The following ZNF462 variants were observed in gnomAD, a reference collection of about 807,000 sequenced individuals.
The protein encoded by ZNF462 is zinc finger PBX1-interacting protein.
ZNF462 carries 10 observed loss-of-function variants against 201.9 expected under a neutral mutation model. That is an observed-to-expected ratio of 0.05 (90% CI 0.03 to 0.08). The LOEUF (loss-of-function observed/expected upper bound fraction) is 0.08, where lower values mean the gene tolerates loss of function less well. Ranked by LOEUF, ZNF462 falls within the 10% of genes least tolerant of loss-of-function variation. The probability of loss-of-function intolerance (pLI) is 1.00; values close to 1 mark genes in which losing one functional copy is unlikely to be tolerated. For missense variants in ZNF462, 2,523 were observed against 3,168.3 expected (o/e 0.80, Z 4.89); for synonymous variants, 1,227 against 1,193.3 (o/e 1.03, Z -0.58).
In ZNF462 at chr9:106,928,894, G is replaced by A. The variant is rs1349544073; in HGVS notation, c.4982G>A (p.Arg1661Gln). ...CACCTGGTCTCCCACACTGTGTTCC[G>A]GTGCCAGCTCTGCAAGTACTTCTGC... ...TSHLVSHTVF[R>Q]CQLCKYFCST... The change falls in exon 3 of 13, where the codon CGG becomes CAG. Residue 1661 changes from arginine to glutamine, a missense_variant. By Grantham distance (43) the Arg-to-Gln change is conservative. Coordinates refer to ENST00000277225, the MANE Select transcript of ZNF462 (RefSeq NM_021224.6). This position sits in a 1 kb window ranked among gnomAD's most constrained non-coding sequence, Gnocchi z 9.3. 5.0e-6 allele frequency: 8 copies of A among 1,613,796 alleles called. No homozygotes were observed. Among genetic ancestry groups the A allele is most frequent in the Non-Finnish European group, 5.9e-6 (7 of 1,180,016 alleles).
At chr9:106,896,052 T>G (rs907064) in intron 1 of ZNF462, among the ~76,000 whole-genome samples, 69,067 of 152,014 alleles carry the variant, frequency 0.45, 18,168 homozygotes, top group African/African-American at 0.74. Context: ...CTCCATCTCT[T>G]TACTTGGAAA....
rs751451466 is a variant in ZNF462, at chr9:106,928,514, C to T, written c.4602C>T (p.Tyr1534=). The change falls in exon 3 of 13, where the codon TAC becomes TAT. Residue 1534 remains tyrosine, a synonymous_variant. Transcript: ENST00000277225. The surrounding 1 kb of genome is among the most constrained non-coding windows in gnomAD (Gnocchi z 9.3). ...GCATCCACGGCGTACTGACCCACTA[C>T]CAGAAGCGACACCCGTCCATCAAGG... ...NTRIHGVLTH[Y]QKRHPSIKVT... is the part of the protein sequence containing the mutation. The T allele has an allele frequency of 1.9e-5, 31 of 1,614,140 alleles. No individual in the cohort carries two copies. Among genetic ancestry groups the T allele is most frequent in the Non-Finnish European group, 2.5e-5 (30 of 1,180,024 alleles).
At chr9:106,891,419 A>G (rs1330549292) in intron 1 of ZNF462, among the ~76,000 whole-genome samples, 5 of 152,168 alleles carry the variant, frequency 3.3e-5, no homozygotes, top group Non-Finnish European at 7.3e-5. Flanking sequence ...GCGGAGACAT[A>G]CAATAGGCTG....
Position 106,923,733 on chromosome 9 carries a change from G to C in ZNF462, c.220+130G>C. 1.1e-6 allele frequency: 1 copy of C among 900,924 alleles called. No homozygotes were observed. Among genetic ancestry groups the C allele is most frequent in the Non-Finnish European group, 1.7e-6 (1 of 596,234 alleles). The allele number at this position is 900,924 out of a possible 1,614,324, so 55.8% of individuals were successfully genotyped here. ...TTGTGCTTTGCTAGCCATTTTTGTG[G>C]TTTGGGCATCATGTATCTCTCCTTG... is the stretch of plus-strand genomic sequence containing the variant. On this transcript the variant is annotated intron_variant, in intron 2 of 12. Transcript: ENST00000277225. The surrounding 1 kb of genome is among the most constrained non-coding windows in gnomAD (Gnocchi z 5.6).
At chr9:106,863,066 G>A, upstream of ZNF462, 1 of 392,800 alleles carries the variant, frequency 2.5e-6, no homozygotes, top group Non-Finnish European at 4.5e-6. Context: ...GGAGAGAGAA[G>A]AGGAGAGAGA....
In ZNF462 at chr9:107,011,024, A is replaced by G; in HGVS notation, c.7515A>G (p.Lys2505=). 2 of 1,613,112 alleles carry G rather than the reference A, an allele frequency of 1.2e-6. No homozygotes were observed. The highest frequency in any genetic ancestry group is 1.7e-6 in the Non-Finnish European group (2 of 1,179,796). The part of the protein sequence containing the change: ...KSLLENAEAK[K]E Reference sequence around the variant, plus strand: ...TCCTGGAGAATGCAGAGGCCAAAAAAGAATGAGCGTTTGGTGAAATTCTTA... The same window carrying G: ...TCCTGGAGAATGCAGAGGCCAAAAAGGAATGAGCGTTTGGTGAAATTCTTA... The change falls in exon 13 of 13, where the codon AAA becomes AAG. Residue 2505 remains lysine, a synonymous_variant. Transcript: ENST00000277225. This position sits in a 1 kb window ranked among gnomAD's most constrained non-coding sequence, Gnocchi z 5.6.
chr9:106,948,982 C>G (rs1339623206), intron 7 of ZNF462, among the ~76,000 whole-genome samples: 1 of 152,070 alleles, frequency 6.6e-6, no homozygotes, highest in Non-Finnish European at 1.5e-5. Flanking sequence ...AAAAATTACT[C>G]AAGTAGAGTC....
rs1433133004 is a variant in ZNF462, at chr9:106,923,153, T to C, written c.-30-201T>C. On this transcript the variant is annotated intron_variant, in intron 1 of 12. Transcript: ENST00000277225. The surrounding 1 kb of genome is among the most constrained non-coding windows in gnomAD (Gnocchi z 5.6). ...AAAATGTTTATCTGGTATTTTTCCT[T>C]CTTTGAAGTTATGAGGTCAAGGACA... 6.6e-6 allele frequency among the ~76,000 whole-genome samples: 1 copy of C among 152,232 alleles called. No homozygotes were observed. Among genetic ancestry groups the C allele is most frequent in the African/African-American group, 2.4e-5 (1 of 41,452 alleles).
In ZNF462 at chr9:107,012,655, G is replaced by A. The variant is rs1829985231; in HGVS notation, c.*1625G>A. 1 of 147,958 alleles carries A rather than the reference G, an allele frequency of 6.8e-6. No individual in the cohort carries two copies. The highest frequency in any genetic ancestry group is 2.5e-5 in the African/African-American group (1 of 40,288). The allele number at this position is 147,958 out of a possible 1,614,324, so 9.2% of individuals were successfully genotyped here. On this transcript the variant is annotated 3_prime_UTR_variant, in exon 13 of 13. Transcript: ENST00000277225. ...TGTGTGTGTGTGCTTGGATGTGTGT[G>A]TGCGTGTATGAGTGTGTGTGTGCAT...
At chr9:106,918,621 TA>T (rs947775987) in intron 1 of ZNF462, among the ~76,000 whole-genome samples, 2 of 152,106 alleles carry the variant, frequency 1.3e-5, no homozygotes, top group Middle Eastern at 3.4e-3. Context: ...AGTGCCTTTT[TA>T]AAAAAAATCA....
Position 106,928,134 on chromosome 9 carries a change from A to C in ZNF462, c.4222A>C (p.Lys1408Gln). 1.2e-6 allele frequency: 2 copies of C among 1,614,212 alleles called. No homozygotes were observed. Among genetic ancestry groups the C allele is most frequent in the South Asian group, 2.2e-5 (2 of 91,084 alleles). ...GDESVLLDII[K>Q]EKDAVEKPIL... ...TGAGTCAGTGCTACTGGACATCATC[A>C]AGGAGAAAGATGCTGTGGAGAAGCC... Residue 1408 changes from lysine to glutamine, a missense_variant, in exon 3 of 13, where the codon AAG becomes CAG. Lys to Gln is a moderately conservative substitution (Grantham distance 53, BLOSUM62 1). Coordinates refer to ENST00000277225, the MANE Select transcript of ZNF462 (RefSeq NM_021224.6). The surrounding 1 kb of genome is among the most constrained non-coding windows in gnomAD (Gnocchi z 9.3).
rs768035529 is a variant in ZNF462 at position 106,925,820 on chromosome 9, C to T, written c.1908C>T (p.Pro636=). The T allele has an allele frequency of 3.1e-6, 5 of 1,614,216 alleles. No homozygotes were observed. Among genetic ancestry groups the T allele is most frequent in the Non-Finnish European group, 4.2e-6 (5 of 1,180,048 alleles). The change falls in exon 3 of 13, where the codon CCC becomes CCT. Residue 636 remains proline (P), a synonymous_variant. Transcript: ENST00000277225. The surrounding 1 kb of genome is among the most constrained non-coding windows in gnomAD (Gnocchi z 7.9). Reference sequence around the variant, plus strand: ...ACTTGCCAAAATTCGAGGGGCAGCCCTCAAGCCTACCATTGGAAAATGAGA... The same window carrying T: ...ACTTGCCAAAATTCGAGGGGCAGCCTTCAAGCCTACCATTGGAAAATGAGA... The part of the protein sequence containing the change: ...CDNLPKFEGQ[P]SSLPLENETD...
Position 106,864,887 on chromosome 9 carries a change from A to G in ZNF462, c.-31+1532A>G, listed in dbSNP as rs1417165436. Among the ~76,000 whole-genome samples the G allele has an allele frequency of 2.0e-5, 3 of 152,286 alleles. No homozygotes were observed. In the East Asian group the frequency reaches 5.8e-4, roughly 29 times the overall value. On this transcript the variant is annotated intron_variant, in intron 1 of 12. Coordinates refer to ENST00000277225, the MANE Select transcript of ZNF462 (RefSeq NM_021224.6). The stretch of plus-strand genomic sequence containing the variant: ...TTGGTTAAGAGCTGGGAACTGAGTC[A>G]GGTAAGCCGTGTCATGTTGTAACTC...
chr9:106,928,951 G>A lies in ZNF462; in HGVS notation c.5039G>A (p.Arg1680His), dbSNP rs779730327. 1.9e-6 allele frequency: 3 copies of A among 1,614,022 alleles called. No homozygotes were observed. The highest frequency in any genetic ancestry group is 1.1e-5 in the South Asian group (1 of 91,076). ...AGGAAGGGGATCGCCAGGCACTACC[G>A]CATCAAGCACAATAATGTCCGAGCC... ...STRKGIARHY[R>H]IKHNNVRAQP... The change falls in exon 3 of 13, where the codon CGC (arginine) becomes CAC (histidine). Residue 1680 changes from arginine (R) to histidine (H), a missense_variant. Physicochemically the swap from Arg to His is conservative, Grantham distance 29. This residue lies in a region of ZNF462 where 200 missense variants were observed against 281.3 expected (regional missense o/e 0.71). Transcript: ENST00000277225. The surrounding 1 kb of genome is among the most constrained non-coding windows in gnomAD (Gnocchi z 9.3).
rs947472252 is a variant in ZNF462, at chr9:106,885,846, G to A, written c.-31+22491G>A. Among the ~76,000 whole-genome samples, 1 of 152,138 alleles carries A rather than the reference G, an allele frequency of 6.6e-6. No homozygotes were observed. Among genetic ancestry groups the A allele is most frequent in the Non-Finnish European group, 1.5e-5 (1 of 68,030 alleles). On this transcript the variant is annotated intron_variant, in intron 1 of 12. Coordinates refer to ENST00000277225, the MANE Select transcript of ZNF462 (RefSeq NM_021224.6). This position sits in a 1 kb window ranked among gnomAD's most constrained non-coding sequence, Gnocchi z 4.1. ...TTTGGAGCCCACCTGATTCTTAAGA[G>A]TTTCCAGTTCCTCTATCCCTATTCC... is the stretch of plus-strand genomic sequence containing the variant.
chr9:106,861,856 T>A (rs531270042), upstream of ZNF462, among the ~76,000 whole-genome samples: 2 of 152,312 alleles, frequency 1.3e-5, no homozygotes, highest in Admixed American at 1.3e-4. Context: ...TCGCGTGTCT[T>A]CAACACCATG....
intron 1 of ZNF462, among the ~76,000 whole-genome samples, chr9:106,868,005 A>C (rs1217544701): frequency 1.3e-5 from 2 of 151,802 alleles, no homozygotes; most frequent in Non-Finnish European, 2.9e-5. Flanking sequence ...TATGACTGGG[A>C]TGATTGGTAT....
intron 1 of ZNF462, among the ~76,000 whole-genome samples, chr9:106,910,457 C>T (rs150227900): frequency 9.2e-4 from 133 of 144,780 alleles, no homozygotes; most frequent in African/African-American, 3.2e-3. Flanking sequence ...AGAGAAACAT[C>T]TCTTTAAATC....
At chr9:106,951,225 A>C (rs1831331063) in intron 7 of ZNF462, among the ~76,000 whole-genome samples, 1 of 152,192 alleles carries the variant, frequency 6.6e-6, no homozygotes, top group South Asian at 2.1e-4. Context: ...TAACTTAACA[A>C]AAAGGTACAT....
Sources: allele counts gnomAD v4.1 joint callset (sites outside exome capture counted in the v4.1 genomes callset), GRCh38; gene constraint gnomAD v4.1.1; regional missense constraint gnomAD v4.1.1; non-coding constraint Gnocchi (gnomAD v3.1); transcripts MANE v1.5; gene names NCBI Gene and HGNC (gene_info 2026-07-23, HGNC 2026-07-21).